The following FGF13 variants were observed in gnomAD, a reference collection of about 807,000 sequenced individuals.
FGF13 encodes fibroblast growth factor 13, also known as fibroblast growth factor homologous factor 2.
Under a neutral mutation model 19.5 loss-of-function variants are expected in FGF13, and 2 were observed. The ratio of observed to expected loss-of-function variants is 0.10; its 90% CI spans 0.04 to 0.32. The LOEUF is 0.32. Ranked by LOEUF, FGF13 falls within the 10% of genes least tolerant of loss-of-function variation. The probability of loss-of-function intolerance (pLI) is 1.00; values close to 1 mark genes in which losing one functional copy is unlikely to be tolerated. For synonymous variants in FGF13, 72 were observed against 76.9 expected, an observed-to-expected ratio of 0.94 and a Z score of 0.33; for missense variants, 113 against 192.7, an observed-to-expected ratio of 0.59 and a Z score of 2.45.
At chrX:138,695,285 A>C (rs2089885266) in intron 3 of FGF13, among the ~76,000 whole-genome samples, 1 of 111,852 alleles carries the variant, frequency 8.9e-6, no homozygotes, top group East Asian at 2.8e-4. Context: ...TTGTCTTCAA[A>C]AATTCTAATG....
At chrX:138,937,088 C>G (rs2091734819) in intron 1 of FGF13, among the ~76,000 whole-genome samples, 2 of 110,575 alleles carry the variant, frequency 1.8e-5, no homozygotes, top group African/African-American at 6.6e-5. Context: ...AAGAAGTTTC[C>G]TCTTTTCTCT....
chrX:138,949,342 T>C (rs1413331123), intron 1 of FGF13, among the ~76,000 whole-genome samples: 2 of 111,624 alleles, frequency 1.8e-5, no homozygotes, highest in African/African-American at 6.5e-5. Flanking sequence ...AGAAGAATCC[T>C]TCCTTGCCTC....
intron 3 of FGF13, among the ~76,000 whole-genome samples, chrX:138,828,944 G>A (rs2091053451): frequency 9.0e-6 from 1 of 111,526 alleles, no homozygotes; most frequent in Admixed American, 9.5e-5. Flanking sequence ...TAAATGGAGA[G>A]TACAATAGTT....
At chrX:138,732,492 A>G (rs892824062) in intron 1 of FGF13, among the ~76,000 whole-genome samples, 20 of 111,680 alleles carry the variant, frequency 1.8e-4, no homozygotes, top group East Asian at 1.4e-3. Context: ...CACACAAAAA[A>G]GCACAAAATG....
chrX:138,978,266 G>GTTTTC (rs1556318705), intron 1 of FGF13, among the ~76,000 whole-genome samples: 2 of 82,917 alleles, frequency 2.4e-5, no homozygotes, highest in African/African-American at 4.9e-5. Flanking sequence ...AGCTGCCCTG[G>GTTTTC]TTTTTTTTTT....
At chrX:139,152,472 C>T (rs138803255) in intron 1 of FGF13, among the ~76,000 whole-genome samples, 36 of 110,138 alleles carry the variant, frequency 3.3e-4, no homozygotes, top group Admixed American at 1.1e-3. Context: ...TTCTAGAGCC[C>T]GATCAAGCAC....
At chrX:138,666,201 A>T (rs1457138013) in intron 3 of FGF13, among the ~76,000 whole-genome samples, 2 of 111,445 alleles carry the variant, frequency 1.8e-5, no homozygotes, top group African/African-American at 6.5e-5. Flanking sequence ...TCTTCCTGAG[A>T]AAAGTCTGAG....
At chrX:138,651,127 C>G (rs1305491560) in intron 3 of FGF13, among the ~76,000 whole-genome samples, 3 of 112,124 alleles carry the variant, frequency 2.7e-5, no homozygotes, top group African/African-American at 9.7e-5. Flanking sequence ...TAAACACTAA[C>G]AGAGTTTCAA....
intron 1 of FGF13, among the ~76,000 whole-genome samples, chrX:138,941,204 C>T (rs1397037906): frequency 9.0e-6 from 1 of 111,127 alleles, no homozygotes; most frequent in Non-Finnish European, 1.9e-5. Context: ...CTAGAAGTTC[C>T]GGCCAGAGCA....
chrX:138,923,130 T>C (rs2091655378), intron 1 of FGF13, among the ~76,000 whole-genome samples: 1 of 112,262 alleles, frequency 8.9e-6, no homozygotes, highest in Non-Finnish European at 1.9e-5. Context: ...TCACATTCTA[T>C]GAAACCATCA....
chrX:138,981,486 T>C (rs920540709), intron 1 of FGF13, among the ~76,000 whole-genome samples: 1 of 111,346 alleles, frequency 9.0e-6, no homozygotes, highest in Non-Finnish European at 1.9e-5. Flanking sequence ...AACCATGATA[T>C]GTCAGGTATA....
chrX:138,884,910 A>T (rs1223627729), intron 1 of FGF13, among the ~76,000 whole-genome samples: 2 of 111,930 alleles, frequency 1.8e-5, no homozygotes, highest in Admixed American at 9.5e-5. Flanking sequence ...TGAGTGACAG[A>T]ATTAGAAAGA....
chrX:139,004,402 C>A (rs996643825), intron 1 of FGF13, among the ~76,000 whole-genome samples: 1 of 112,715 alleles, frequency 8.9e-6, no homozygotes, highest in Non-Finnish European at 1.9e-5. Context: ...CCTGCTCGCG[C>A]CTCTCCCTCC....
intron 3 of FGF13, among the ~76,000 whole-genome samples, chrX:138,745,322 C>T (rs2090347472): frequency 8.9e-6 from 1 of 111,897 alleles, no homozygotes; most frequent in African/African-American, 3.2e-5. Flanking sequence ...AGAGTTATTC[C>T]ATTCTTGCAC....
At chrX:138,808,522 A>G (rs1282880299) in intron 3 of FGF13, among the ~76,000 whole-genome samples, 1 of 111,692 alleles carries the variant, frequency 9.0e-6, no homozygotes, top group South Asian at 3.8e-4. Flanking sequence ...TAACATCACA[A>G]TGGAAAGAAC....
chrX:139,074,887 C>T (rs994581889), intron 1 of FGF13, among the ~76,000 whole-genome samples: 1 of 111,852 alleles, frequency 8.9e-6, no homozygotes, highest in Non-Finnish European at 1.9e-5. Context: ...GGAATTTTCC[C>T]TTCACATACC....
intron 3 of FGF13, among the ~76,000 whole-genome samples, chrX:138,840,747 G>A (rs1041269116): frequency 1.3e-4 from 14 of 111,432 alleles, no homozygotes; most frequent in African/African-American, 3.6e-4. Context: ...AGGATATAAA[G>A]GTACGAAGTC....
At chrX:139,096,276 T>C (rs1449679828) in intron 1 of FGF13, among the ~76,000 whole-genome samples, 2 of 112,071 alleles carry the variant, frequency 1.8e-5, no homozygotes, top group South Asian at 3.7e-4. Flanking sequence ...GAGAATGAGT[T>C]ATCTATTCTG....
chrX:139,011,816 A>G (rs2092129689), intron 1 of FGF13, among the ~76,000 whole-genome samples: 1 of 111,739 alleles, frequency 8.9e-6, no homozygotes, highest in Non-Finnish European at 1.9e-5. Context: ...TCTATTCAAC[A>G]TAGTATTGGA....
Sources: gnomAD v4.1 joint callset for allele counts (sites outside exome capture counted in the v4.1 genomes callset) on GRCh38, gnomAD v4.1.1 for gene constraint, MANE v1.5 for transcripts, NCBI Gene and HGNC (gene_info 2026-07-23, HGNC 2026-07-21) for gene names.